UNC5B: variants seen among roughly 807,000 people sequenced by gnomAD.
UNC5B encodes the protein unc-5 netrin receptor B, also known as netrin receptor UNC5B.
Under a neutral mutation model 103.7 loss-of-function variants are expected in UNC5B, and 56 were observed. That is an observed-to-expected ratio of 0.54 (90% confidence interval 0.44 to 0.67). The LOEUF is 0.67. Ranked by LOEUF, UNC5B falls within the 30% of genes least tolerant of loss-of-function variation. The pLI, the probability that UNC5B is intolerant of heterozygous loss-of-function variation, is 0.00. For missense variants in UNC5B, 1,194 were observed against 1,284.5 expected (o/e 0.93, Z 1.08); for synonymous variants, 577 against 542.0 (o/e 1.06, Z -0.90).
At chr10:71,237,252 C>A (rs1478018171) in intron 1 of UNC5B, among the ~76,000 whole-genome samples, 1 of 152,244 alleles carries the variant, frequency 6.6e-6, no homozygotes, top group Non-Finnish European at 1.5e-5. Flanking sequence ...GCTCTGGCAA[C>A]AGCATGGGTT....
chr10:71,257,436 CA>C (rs570936533), intron 1 of UNC5B, among the ~76,000 whole-genome samples: 55 of 152,356 alleles, frequency 3.6e-4, no homozygotes, highest in African/African-American at 1.2e-3. Flanking sequence ...CTTCCCCCTC[CA>C]GGCCCACCCA....
intron 1 of UNC5B, among the ~76,000 whole-genome samples, chr10:71,273,155 C>T (rs1263725558): frequency 6.6e-6 from 1 of 152,266 alleles, no homozygotes; most frequent in Non-Finnish European, 1.5e-5. Context: ...TTCCAAAGTG[C>T]TGGGATTATA....
At chr10:71,292,434 C>T (rs1324385142) in intron 10 of UNC5B, 33 bp from the exon 11 acceptor site, 2 of 1,550,540 alleles carry the variant, frequency 1.3e-6, no homozygotes, top group South Asian at 2.4e-5. Flanking sequence ...TCCTAAGCTC[C>T]TGGACTCCCT....
intron 1 of UNC5B, among the ~76,000 whole-genome samples, chr10:71,268,657 G>A (rs1720174647): frequency 6.6e-6 from 1 of 152,254 alleles, no homozygotes; most frequent in Non-Finnish European, 1.5e-5. Context: ...AGGAAGGGTT[G>A]TTCGGTTCTA....
chr10:71,221,617 G>A (rs553820565), intron 1 of UNC5B, among the ~76,000 whole-genome samples: 1 of 152,340 alleles, frequency 6.6e-6, no homozygotes, highest in African/African-American at 2.4e-5. Context: ...GATGGGCTTT[G>A]TGCTGCTTCT....
At chr10:71,246,397 G>A (rs77362887) in intron 1 of UNC5B, among the ~76,000 whole-genome samples, 2,148 of 152,234 alleles carry the variant, frequency 0.014, 40 homozygotes, top group African/African-American at 0.044. Context: ...GGGGTGGGGG[G>A]CCAGGATGGT....
intron 1 of UNC5B, among the ~76,000 whole-genome samples, chr10:71,237,167 A>G (rs1265808455): frequency 6.6e-6 from 1 of 152,084 alleles, no homozygotes; most frequent in Non-Finnish European, 1.5e-5. Context: ...GCAGAGGCCC[A>G]CTCTGGGGAC....
chr10:71,255,595 A>G (rs183735038), intron 1 of UNC5B, among the ~76,000 whole-genome samples: 54 of 152,346 alleles, frequency 3.5e-4, no homozygotes, highest in Non-Finnish European at 7.5e-4. Context: ...CTTGTTCGTA[A>G]TTAGCGCCAT....
Position 71,213,167 on chromosome 10 carries a change from A to G in UNC5B, c.79+103A>G. 2 of 996,248 alleles carry G rather than the reference A, an allele frequency of 2.0e-6. No individual in the cohort carries two copies. Among genetic ancestry groups the G allele is most frequent in the African/African-American group, 3.3e-5 (2 of 59,884 alleles). 61.7% of individuals were successfully genotyped at this position (996,248 alleles called of 1,614,324 possible). On this transcript the variant is annotated intron_variant, in intron 1 of 16. Transcript: ENST00000335350. The surrounding 1 kb of genome is among the most constrained non-coding windows in gnomAD (Gnocchi z 4.1). ...TTCGTCGCATCGATGCGCGCAGGAA[A>G]AGCGGCAAGGGCGCCCAAGTTAGAA... is the stretch of plus-strand genomic sequence containing the variant.
At chr10:71,295,645 A>G (rs966425134) in intron 13 of UNC5B, among the ~76,000 whole-genome samples, 166 bp from the exon 14 acceptor site, 3 of 152,156 alleles carry the variant, frequency 2.0e-5, no homozygotes, top group African/African-American at 7.2e-5. Context: ...CTGTCTATCC[A>G]TCCGTCATCT....
rs1255191927 is a variant in UNC5B, at chr10:71,269,422, G to A, written c.80-10399G>A. On this transcript the variant is annotated intron_variant, in intron 1 of 16. Transcript: ENST00000335350. ...TGGCTCTGCTGCTCAGGTGCTGTGT[G>A]ATCTGGAGCCAGACCACACCCTCTC... Among the ~76,000 whole-genome samples the A allele has an allele frequency of 1.7e-4, 25 of 147,394 alleles. No individual in the cohort carries two copies. In the Admixed American group the frequency reaches 1.8e-3, roughly 10 times the overall value.
intron 1 of UNC5B, among the ~76,000 whole-genome samples, chr10:71,225,938 G>A (rs550697605): frequency 6.6e-6 from 1 of 152,276 alleles, no homozygotes; most frequent in African/African-American, 2.4e-5. Flanking sequence ...CCTCTGCTGA[G>A]CCTGTGGTGG....
At chr10:71,238,516 A>G (rs1025976798) in intron 1 of UNC5B, among the ~76,000 whole-genome samples, 3 of 152,222 alleles carry the variant, frequency 2.0e-5, no homozygotes, top group African/African-American at 7.2e-5. Flanking sequence ...TCTGTCACCC[A>G]GGCTGGAGCT....
intron 1 of UNC5B, among the ~76,000 whole-genome samples, chr10:71,228,679 G>A (rs113130537): frequency 6.6e-6 from 1 of 152,142 alleles, no homozygotes; most frequent in East Asian, 1.9e-4. Flanking sequence ...TTTACCAGAC[G>A]GGAAAACATG....
At chr10:71,238,123 T>G (rs1843813806) in intron 1 of UNC5B, among the ~76,000 whole-genome samples, 1 of 152,140 alleles carries the variant, frequency 6.6e-6, no homozygotes. Flanking sequence ...AGTGTGATCA[T>G]TAAAAACTAG....
At chr10:71,282,071 G>A (rs1239627764) in intron 2 of UNC5B, among the ~76,000 whole-genome samples, 7 of 140,786 alleles carry the variant, frequency 5.0e-5, no homozygotes, top group Non-Finnish European at 9.1e-5. Flanking sequence ...TAACAGCATG[G>A]CCCTTACCAA....
intron 1 of UNC5B, among the ~76,000 whole-genome samples, chr10:71,236,996 G>A (rs1305945480): frequency 6.6e-6 from 1 of 152,244 alleles, no homozygotes; most frequent in Non-Finnish European, 1.5e-5. Flanking sequence ...GATGTGGAAG[G>A]CTTCCTGGAG....
At chr10:71,281,360 A>G (rs1475566595) in intron 2 of UNC5B, among the ~76,000 whole-genome samples, 1 of 148,618 alleles carries the variant, frequency 6.7e-6, no homozygotes, top group African/African-American at 2.5e-5. Flanking sequence ...TTTTTTTTGG[A>G]GACAGAGTCT....
intron 1 of UNC5B, among the ~76,000 whole-genome samples, chr10:71,254,402 G>T (rs1844243966): frequency 6.6e-6 from 1 of 152,202 alleles, no homozygotes. Flanking sequence ...TGCTGTCGTG[G>T]GGGGCATAGG....
Sources: gnomAD v4.1 joint callset for allele counts (sites outside exome capture counted in the v4.1 genomes callset) on GRCh38, gnomAD v4.1.1 for gene constraint, Gnocchi (gnomAD v3.1) non-coding constraint, MANE v1.5 for transcripts, NCBI Gene and HGNC (gene_info 2026-07-23, HGNC 2026-07-21) for gene names.